EPB41L4A: variants seen among roughly 807,000 people sequenced by gnomAD.
The protein encoded by EPB41L4A is erythrocyte membrane protein band 4.1 like 4A, also known as band 4.1-like protein 4A.
EPB41L4A carries 100 observed loss-of-function variants against 108.6 expected under a neutral mutation model. The observed-to-expected ratio is 0.92, with a 90% confidence interval of 0.78 to 1.09. The LOEUF is 1.09. Ranked by LOEUF, EPB41L4A falls within the 50% of genes least tolerant of loss-of-function variation. The probability of loss-of-function intolerance (pLI) is 0.00; values close to 1 mark genes in which losing one functional copy is unlikely to be tolerated. For synonymous variants in EPB41L4A, 319 were observed against 289.0 expected, an observed-to-expected ratio of 1.10 and a Z score of -1.05; for missense variants, 1,030 against 842.7, an observed-to-expected ratio of 1.22 and a Z score of -2.75.
intron 2 of EPB41L4A, 119 bp from the exon 3 acceptor site, chr5:112,280,442 TC>T: frequency 1.2e-6 from 1 of 861,588 alleles, no homozygotes; most frequent in South Asian, 1.4e-5. Flanking sequence ...GTTAAACACT[TC>T]TCTCATATAC....
intron 1 of EPB41L4A, among the ~76,000 whole-genome samples, chr5:112,414,525 T>C (rs1216011665): frequency 6.6e-6 from 1 of 152,126 alleles, no homozygotes; most frequent in Non-Finnish European, 1.5e-5. Context: ...AGGGACAGGA[T>C]AAACTCCCAC....
upstream of EPB41L4A, chr5:112,419,628 G>A (rs1243127104): frequency 4.4e-6 from 2 of 455,694 alleles, no homozygotes; most frequent in African/African-American, 4.0e-5. Flanking sequence ...TTTGTGTGAG[G>A]AGCACCCACG....
At chr5:112,402,269 T>C (rs1761810228) in intron 1 of EPB41L4A, among the ~76,000 whole-genome samples, 1 of 152,138 alleles carries the variant, frequency 6.6e-6, no homozygotes, top group African/African-American at 2.4e-5. Context: ...TCCACCACGA[T>C]TGTAAGTTTC....
intron 1 of EPB41L4A, among the ~76,000 whole-genome samples, chr5:112,356,406 T>C (rs1758361468): frequency 6.6e-6 from 1 of 152,202 alleles, no homozygotes; most frequent in South Asian, 2.1e-4. Flanking sequence ...GATTGGAAAG[T>C]GACTGGATTA....
intron 1 of EPB41L4A, among the ~76,000 whole-genome samples, chr5:112,359,653 G>A (rs1022419539): frequency 3.3e-4 from 50 of 151,630 alleles, no homozygotes; most frequent in African/African-American, 1.0e-3. Context: ...CCATTCTCCT[G>A]CCTCAGCCTC....
At chr5:112,411,600 T>C (rs537521741) in intron 1 of EPB41L4A, among the ~76,000 whole-genome samples, 2 of 151,392 alleles carry the variant, frequency 1.3e-5, no homozygotes, top group Non-Finnish European at 2.9e-5. Flanking sequence ...GCCCCTCAGC[T>C]TACAGATAAG....
chr5:112,397,791 T>A (rs1761458998), intron 1 of EPB41L4A, among the ~76,000 whole-genome samples: 1 of 152,200 alleles, frequency 6.6e-6, no homozygotes, highest in Admixed American at 6.5e-5. Flanking sequence ...CCATTTTTTA[T>A]ATGAAGAAAT....
intron 1 of EPB41L4A, among the ~76,000 whole-genome samples, chr5:112,340,837 C>T (rs939261146): frequency 2.0e-5 from 3 of 152,198 alleles, no homozygotes; most frequent in Non-Finnish European, 4.4e-5. Flanking sequence ...AAAACATTCA[C>T]TCAGCCCTAT....
chr5:112,228,755 C>A lies in EPB41L4A; in HGVS notation c.1087+5879G>T, dbSNP rs1024777916. The A allele has an allele frequency of 1.0e-5, 10 of 985,196 alleles. 1 individual carries two copies. The African/African-American group carries it at 1.7e-4, about 17-fold the overall frequency. The allele number at this position is 985,196 out of a possible 1,614,324, so 61.0% of individuals were successfully genotyped here. On this transcript the variant is annotated intron_variant, in intron 12 of 22. Transcript: ENST00000261486. ...GAGAGAGGGTTGTAACAGGAGGGCA[C>A]TTTTTCCTCCTGCCGTCCCTTTTCT...
chr5:112,204,533 G>A (rs1363173186), intron 14 of EPB41L4A, 45 bp from the exon 15 acceptor site: 2 of 1,314,108 alleles, frequency 1.5e-6, no homozygotes, highest in Admixed American at 3.4e-5. Flanking sequence ...GAGAGTTCCT[G>A]GGGGAAAACA....
At chr5:112,403,559 C>A (rs1487906505) in intron 1 of EPB41L4A, among the ~76,000 whole-genome samples, 1 of 152,134 alleles carries the variant, frequency 6.6e-6, no homozygotes, top group Non-Finnish European at 1.5e-5. Flanking sequence ...ACCTCTAACT[C>A]CTGGATTCAA....
chr5:112,411,979 A>C (rs1762437545), intron 1 of EPB41L4A, among the ~76,000 whole-genome samples: 1 of 152,164 alleles, frequency 6.6e-6, no homozygotes, highest in Non-Finnish European at 1.5e-5. Flanking sequence ...ACTGTTCTCT[A>C]AACAAAGCAC....
chr5:112,270,456 T>C (rs1752179250), intron 4 of EPB41L4A, among the ~76,000 whole-genome samples: 1 of 150,364 alleles, frequency 6.7e-6, no homozygotes, highest in Admixed American at 6.6e-5. Context: ...ATTTAAATCA[T>C]AACATGATAT....
At chr5:112,274,743 C>T (rs1752504938) in intron 4 of EPB41L4A, among the ~76,000 whole-genome samples, 1 of 152,170 alleles carries the variant, frequency 6.6e-6, no homozygotes, top group Non-Finnish European at 1.5e-5. Context: ...CAGTTGTTGA[C>T]ATGTACTATT....
At chr5:112,331,104 C>G (rs1374723275) in intron 1 of EPB41L4A, among the ~76,000 whole-genome samples, 1 of 152,194 alleles carries the variant, frequency 6.6e-6, no homozygotes, top group Non-Finnish European at 1.5e-5. Context: ...GAGTTCCAAT[C>G]TCAGTTCCCA....
chr5:112,231,524 G>A (rs1443409995), intron 12 of EPB41L4A, among the ~76,000 whole-genome samples: 3 of 151,672 alleles, frequency 2.0e-5, no homozygotes, highest in Admixed American at 6.6e-5. Context: ...GGTGGCTCAC[G>A]CCTGTAATCC....
chr5:112,142,915 G>C (rs1759117125), exon 14 of EPB41L4A: 1 of 152,146 alleles, frequency 6.6e-6, no homozygotes, highest in Non-Finnish European at 1.5e-5. Context: ...CCAAGAAAAT[G>C]CTTCAGAAGT....
chr5:112,368,902 C>T (rs1045712921), intron 1 of EPB41L4A, among the ~76,000 whole-genome samples: 16 of 152,138 alleles, frequency 1.1e-4, no homozygotes, highest in Non-Finnish European at 5.9e-5. Flanking sequence ...TCTCACTCCT[C>T]TGTCTCCAAT....
At chr5:112,183,945 A>T (rs1045582190) in intron 18 of EPB41L4A, 71 bp downstream of exon 18, 4 of 1,578,142 alleles carry the variant, frequency 2.5e-6, no homozygotes, top group Non-Finnish European at 3.5e-6. Flanking sequence ...AACACTTTAG[A>T]AGACCTGAAT....
Sources: allele counts gnomAD v4.1 joint callset (sites outside exome capture counted in the v4.1 genomes callset), GRCh38; gene constraint gnomAD v4.1.1; transcripts MANE v1.5; gene names NCBI Gene and HGNC (gene_info 2026-07-23, HGNC 2026-07-21).